Variants in KIF6 observed in about 807,000 individuals in gnomAD.
KIF6 encodes kinesin-like protein KIF6.
Under a neutral mutation model 112.7 loss-of-function variants are expected in KIF6, and 106 were observed. The ratio of observed to expected loss-of-function variants is 0.94; its 90% CI spans 0.80 to 1.11. The LOEUF is 1.11. Among genes scored for constraint, KIF6 ranks in the 50% least tolerant of loss-of-function variants. The probability of loss-of-function intolerance (pLI) is 0.00; values close to 1 mark genes in which losing one functional copy is unlikely to be tolerated. For synonymous variants in KIF6, 339 were observed against 339.9 expected (o/e 1.00, Z 0.03); for missense variants, 929 against 964.0 (o/e 0.96, Z 0.48).
At chr6:39,446,739 C>A (rs1307641447) in intron 13 of KIF6, among the ~76,000 whole-genome samples, 2 of 152,196 alleles carry the variant, frequency 1.3e-5, no homozygotes, top group Non-Finnish European at 2.9e-5. Flanking sequence ...ATCCACCAGC[C>A]TCGGCCTCCC....
At position 39,346,458 on chromosome 6, in the gene KIF6, C is replaced by G. The variant is rs367591537; in HGVS notation, c.2231+18G>C. 1.4e-6 allele frequency: 1 copy of G among 716,684 alleles called. No homozygotes were observed. The highest frequency in any genetic ancestry group is 2.7e-5 in the East Asian group (1 of 37,264). 44.4% of individuals were successfully genotyped at this position (716,684 alleles called of 1,614,324 possible). A position where few individuals can be genotyped will look rare whatever the true frequency, so the allele number is the denominator to read the frequency against. ...GTCGAGAAGACAGCTGTCTATGAAC[C>G]GGGAAGGGGGTCCTCACCAGACATC... On this transcript the variant is annotated intron_variant, in intron 20 of 22. Transcript: ENST00000287152.
intron 19 of KIF6, among the ~76,000 whole-genome samples, chr6:39,353,029 G>GT (rs367795762): frequency 0.014 from 2,171 of 150,778 alleles, 42 homozygotes; most frequent in African/African-American, 0.048. Context: ...ATCATATTCT[G>GT]TTTTTTTTTG....
chr6:39,423,189 G>A (rs1391051267), intron 14 of KIF6, among the ~76,000 whole-genome samples: 2 of 152,166 alleles, frequency 1.3e-5, no homozygotes, highest in African/African-American at 4.8e-5. Flanking sequence ...CAGGGGCTGG[G>A]CTTGGAAGGG....
In KIF6 at chr6:39,519,936, C is replaced by T. The variant is rs562807311; in HGVS notation, c.1645+20067G>A. On this transcript the variant is annotated intron_variant, in intron 13 of 22. Coordinates refer to ENST00000287152, the MANE Select transcript of KIF6 (RefSeq NM_145027.6). ...ACTCCGGAGGCTGAGGCAAGAGAAT[C>T]GCTTGAACCCGGGGGGCAGAGGTTG... 7.2e-5 allele frequency among the ~76,000 whole-genome samples: 11 copies of T among 152,246 alleles called. No individual in the cohort carries two copies. The South Asian group carries it at 1.7e-3, about 23-fold the overall frequency.
intron 13 of KIF6, among the ~76,000 whole-genome samples, chr6:39,438,349 G>A (rs1380194764): frequency 4.6e-5 from 7 of 152,142 alleles, no homozygotes; most frequent in Non-Finnish European, 1.0e-4. Flanking sequence ...GCCTTGGGCA[G>A]GTCCTTCAGG....
chr6:39,402,984 C>T (rs1352039882), intron 15 of KIF6, among the ~76,000 whole-genome samples: 2 of 152,108 alleles, frequency 1.3e-5, no homozygotes, highest in Non-Finnish European at 2.9e-5. Flanking sequence ...AATAATTCAC[C>T]ACAACCTGTA....
chr6:39,619,562 A>C (rs536523064), intron 5 of KIF6, among the ~76,000 whole-genome samples: 1 of 152,298 alleles, frequency 6.6e-6, no homozygotes, highest in South Asian at 2.1e-4. Context: ...ACTCTCCAGA[A>C]GTGTCTGCTG....
chr6:39,653,079 T>C (rs950179733), intron 3 of KIF6, among the ~76,000 whole-genome samples: 15 of 152,240 alleles, frequency 9.9e-5, no homozygotes, highest in African/African-American at 3.6e-4. Context: ...GTTTAAGTTA[T>C]CTACAATTAA....
chr6:39,566,021 CA>C (rs1177738974), intron 10 of KIF6, among the ~76,000 whole-genome samples: 1 of 152,170 alleles, frequency 6.6e-6, no homozygotes, highest in Non-Finnish European at 1.5e-5. Flanking sequence ...AAAGAGAAAA[CA>C]GGGGCCTGGA....
chr6:39,525,057 T>C (rs1452737936), intron 13 of KIF6, among the ~76,000 whole-genome samples: 2 of 152,238 alleles, frequency 1.3e-5, no homozygotes, highest in Admixed American at 1.3e-4. Context: ...TTCTGTTGCC[T>C]ACAAGTAAAT....
rs746476699 is a variant in KIF6, at chr6:39,578,046, G to T, written c.1181+10C>A. 1.9e-6 allele frequency: 3 copies of T among 1,587,462 alleles called. No individual in the cohort carries two copies. Among genetic ancestry groups the T allele is most frequent in the Non-Finnish European group, 1.7e-6 (2 of 1,157,818 alleles). On this transcript the variant is annotated intron_variant, in intron 10 of 22. Coordinates refer to ENST00000287152, the MANE Select transcript of KIF6 (RefSeq NM_145027.6). ...GTTAAAGAAAAAGAAAAAAAAGTCT[G>T]CAGACTTACTGAAGGAGCTCTGCTT...
At chr6:39,587,509 T>C (rs1781701251) in intron 7 of KIF6, among the ~76,000 whole-genome samples, 1 of 152,204 alleles carries the variant, frequency 6.6e-6, no homozygotes, top group Admixed American at 6.5e-5. Flanking sequence ...AGTCATCCTG[T>C]GATCTCTCTC....
At chr6:39,426,936 T>C (rs116809247) in intron 14 of KIF6, among the ~76,000 whole-genome samples, 93 of 152,324 alleles carry the variant, frequency 6.1e-4, no homozygotes, top group African/African-American at 2.2e-3. Flanking sequence ...GCTGAACTCA[T>C]TCAAGGCTTT....
chr6:39,479,987 CA>C (rs527627724), intron 13 of KIF6, among the ~76,000 whole-genome samples: 1 of 152,112 alleles, frequency 6.6e-6, no homozygotes, highest in Non-Finnish European at 1.5e-5. Flanking sequence ...ACAATCATAT[CA>C]TCAACAAACA....
chr6:39,595,180 C>T (rs559164961), intron 7 of KIF6, among the ~76,000 whole-genome samples: 12 of 152,250 alleles, frequency 7.9e-5, no homozygotes, highest in Admixed American at 6.5e-4. Context: ...GAAAACATGT[C>T]GGTTATCTCA....
intron 3 of KIF6, among the ~76,000 whole-genome samples, chr6:39,665,542 A>G (rs1368946738): frequency 2.0e-5 from 3 of 152,234 alleles, no homozygotes; most frequent in African/African-American, 7.2e-5. Flanking sequence ...AATTTTAAAT[A>G]GTTAAAAAAA....
At chr6:39,479,481 G>A (rs1416812949) in intron 13 of KIF6, among the ~76,000 whole-genome samples, 1 of 152,114 alleles carries the variant, frequency 6.6e-6, no homozygotes, top group South Asian at 2.1e-4. Context: ...CCAGTACCAT[G>A]CTGTTTTGGT....
intron 3 of KIF6, among the ~76,000 whole-genome samples, chr6:39,679,749 G>C (rs1384997685): frequency 1.3e-5 from 2 of 151,082 alleles, no homozygotes; most frequent in African/African-American, 2.4e-5. Context: ...CCGAGTAGCT[G>C]GGACTACAGG....
At chr6:39,720,398 G>A (rs1000381921) in intron 2 of KIF6, among the ~76,000 whole-genome samples, 1 of 152,090 alleles carries the variant, frequency 6.6e-6, no homozygotes, top group Non-Finnish European at 1.5e-5. Context: ...GTTTAATCAT[G>A]CATTGGAACT....
Sources: gnomAD v4.1 joint callset for allele counts (sites outside exome capture counted in the v4.1 genomes callset) on GRCh38, gnomAD v4.1.1 for gene constraint, MANE v1.5 for transcripts, NCBI Gene and HGNC (gene_info 2026-07-23, HGNC 2026-07-21) for gene names.